Variants in GABRA4 observed in about 807,000 individuals in gnomAD.
GABRA4 encodes the protein gamma-aminobutyric acid type A receptor subunit alpha4.
GABRA4 carries 12 observed loss-of-function variants against 49.7 expected under a neutral mutation model. The observed-to-expected ratio is 0.24, with a 90% CI of 0.15 to 0.39. The LOEUF (loss-of-function observed/expected upper bound fraction) is 0.39, where lower values mean the gene tolerates loss of function less well. Among genes scored for constraint, GABRA4 ranks in the 10% least tolerant of loss-of-function variants. The pLI is 1.00. For synonymous variants in GABRA4, 288 were observed against 240.2 expected, an observed-to-expected ratio of 1.20 and a Z score of -1.84; for missense variants, 506 against 686.0, an observed-to-expected ratio of 0.74 and a Z score of 2.93.
chr4:46,947,318 T>C (rs1351679342), intron 8 of GABRA4, among the ~76,000 whole-genome samples: 1 of 152,010 alleles, frequency 6.6e-6, no homozygotes, highest in East Asian at 1.9e-4. Flanking sequence ...CTGTGGAAGG[T>C]CTGGGCATAT....
intron 7 of GABRA4, 40 bp from the exon 8 acceptor site, chr4:46,965,269 T>A (rs767943441): frequency 3.7e-6 from 5 of 1,366,456 alleles, no homozygotes; most frequent in South Asian, 2.2e-5. Context: ...CACCTTACCA[T>A]CATTTGTATT....
intron 6 of GABRA4, among the ~76,000 whole-genome samples, 167 bp downstream of exon 6, chr4:46,974,065 G>T (rs146293066): frequency 6.6e-6 from 1 of 151,842 alleles, no homozygotes; most frequent in Non-Finnish European, 1.5e-5. Flanking sequence ...ACTAAAGTAA[G>T]ATTATAAATA....
rs948087263 is a variant in GABRA4, at chr4:46,921,421, T to A, written c.*6804A>T. Reference sequence around the variant, plus strand: ...GGGAAGCAATCTCAGAGGAAAACTCTGGGATTCCCCTATAGAAACTAAAGA... The same window carrying A: ...GGGAAGCAATCTCAGAGGAAAACTCAGGGATTCCCCTATAGAAACTAAAGA... On this transcript the variant is annotated 3_prime_UTR_variant, in exon 9 of 9. Transcript: ENST00000264318. 2.0e-5 allele frequency: 3 copies of A among 152,014 alleles called. No homozygotes were observed. Among genetic ancestry groups the A allele is most frequent in the African/African-American group, 7.2e-5 (3 of 41,442 alleles). The allele number at this position is 152,014 out of a possible 1,614,324, so 9.4% of individuals were successfully genotyped here. A position where few individuals can be genotyped will look rare whatever the true frequency, so the allele number is the denominator to read the frequency against.
intron 8 of GABRA4, among the ~76,000 whole-genome samples, chr4:46,942,730 C>A (rs995198087): frequency 6.6e-6 from 1 of 151,890 alleles, no homozygotes; most frequent in Non-Finnish European, 1.5e-5. Context: ...TATATTCTAG[C>A]AATGTTCCAT....
intron 2 of GABRA4, among the ~76,000 whole-genome samples, chr4:46,991,966 C>A (rs1348179039): frequency 6.6e-6 from 1 of 152,182 alleles, no homozygotes; most frequent in East Asian, 1.9e-4. Flanking sequence ...AAAACAGGGA[C>A]TTTGAGATCA....
chr4:46,974,191 A>C lies in GABRA4; in HGVS notation c.721+41T>G, dbSNP rs758472621. The C allele has an allele frequency of 8.3e-6, 13 of 1,561,904 alleles. No homozygotes were observed. In the South Asian group the frequency reaches 1.5e-4, roughly 18 times the overall value. ...AAGTCAGGAGAAAACTTTATTGCTA[A>C]CACCAAGTAGCATGTCGGCTTTAAT... On this transcript the variant is annotated intron_variant, in intron 6 of 8. Coordinates refer to ENST00000264318, the MANE Select transcript of GABRA4 (RefSeq NM_000809.4).
intron 7 of GABRA4, 107 bp downstream of exon 7, chr4:46,970,976 C>G: frequency 1.0e-6 from 1 of 1,004,700 alleles, no homozygotes; most frequent in Non-Finnish European, 1.4e-6. Context: ...ATTCCTTATT[C>G]AGGATAGCCT....
At chr4:46,940,737 A>C (rs1346396330) in intron 8 of GABRA4, among the ~76,000 whole-genome samples, 1 of 150,194 alleles carries the variant, frequency 6.7e-6, no homozygotes, top group Non-Finnish European at 1.5e-5. Flanking sequence ...CCCACTCTCA[A>C]CACCCCCCAA....
chr4:46,979,188 T>C, intron 2 of GABRA4, 90 bp from the exon 3 acceptor site: 6 of 740,000 alleles, frequency 8.1e-6, no homozygotes, highest in East Asian at 2.6e-5. Flanking sequence ...AATACAGATA[T>C]GATATATCAT....
intron 2 of GABRA4, among the ~76,000 whole-genome samples, chr4:46,980,244 T>A (rs1017537180): frequency 6.6e-6 from 1 of 152,054 alleles, no homozygotes; most frequent in African/African-American, 2.4e-5. Flanking sequence ...GAACATAACT[T>A]CCTTAAACAA....
At chr4:46,961,876 C>T (rs532837591) in intron 8 of GABRA4, among the ~76,000 whole-genome samples, 7 of 151,664 alleles carry the variant, frequency 4.6e-5, no homozygotes, top group African/African-American at 7.3e-5. Flanking sequence ...GTGAGAGGGG[C>T]GCTGCTTGTT....
chr4:46,931,257 C>T (rs1408537955), intron 8 of GABRA4, among the ~76,000 whole-genome samples: 1 of 152,084 alleles, frequency 6.6e-6, no homozygotes, highest in African/African-American at 2.4e-5. Context: ...AAAATGTCAA[C>T]ATTCATGTAG....
chr4:46,974,320 T>C lies in GABRA4; in HGVS notation c.633A>G (p.Ser211=), dbSNP rs753685023. The C allele has an allele frequency of 4.3e-6, 7 of 1,611,856 alleles. No individual in the cohort carries two copies. Among genetic ancestry groups the C allele is most frequent in the Middle Eastern group, 1.7e-4 (1 of 6,042 alleles). Residue 211 remains serine, a synonymous_variant, in exon 6 of 9, where the codon TCA becomes TCG. Transcript: ENST00000264318. ...TGGAAGACTCCTTCGGAACTTCAAC[T>C]GATTTCTCAGGACCTTTTGTCCAGG... ...IYTWTKGPEK[S]VEVPKESSSL...
chr4:46,965,359 A>G, intron 7 of GABRA4, 130 bp from the exon 8 acceptor site: 1 of 677,224 alleles, frequency 1.5e-6, no homozygotes, highest in East Asian at 3.1e-5. Flanking sequence ...CTCAAAGAAA[A>G]CCATCTTTGA....
At chr4:46,988,682 T>A (rs1723628675) in intron 2 of GABRA4, among the ~76,000 whole-genome samples, 2 of 152,230 alleles carry the variant, frequency 1.3e-5, no homozygotes, top group African/African-American at 2.4e-5. Context: ...GAACAAAAGT[T>A]CTTATCTCAC....
intron 7 of GABRA4, among the ~76,000 whole-genome samples, chr4:46,965,518 A>T (rs545292012): frequency 6.6e-6 from 1 of 151,796 alleles, no homozygotes; most frequent in South Asian, 2.1e-4. Context: ...ATACCCACTG[A>T]TTGGGTTTTC....
rs1034424577 is a variant in GABRA4, at chr4:46,925,526, A to G, written c.*2699T>C. ...CAGCCAAAATTATTCATTATTATTCATAGATAACCAGAACTTTGGGTGCCC... is the reference window on the plus strand; with the variant it reads ...CAGCCAAAATTATTCATTATTATTCGTAGATAACCAGAACTTTGGGTGCCC... On this transcript the variant is annotated 3_prime_UTR_variant, in exon 9 of 9. Coordinates refer to ENST00000264318, the MANE Select transcript of GABRA4 (RefSeq NM_000809.4). The G allele has an allele frequency of 1.3e-5, 2 of 151,788 alleles. No homozygotes were observed. Among genetic ancestry groups the G allele is most frequent in the Non-Finnish European group, 3.0e-5 (2 of 67,768 alleles). The allele number at this position is 151,788 out of a possible 1,614,324, so 9.4% of individuals were successfully genotyped here. A position where few individuals can be genotyped will look rare whatever the true frequency, so the allele number is the denominator to read the frequency against.
intron 8 of GABRA4, among the ~76,000 whole-genome samples, chr4:46,964,420 G>A (rs1290516624): frequency 6.6e-6 from 1 of 151,726 alleles, no homozygotes; most frequent in African/African-American, 2.4e-5. Context: ...AATGTACTTG[G>A]ACTGTTTGTA....
intron 1 of GABRA4, 108 bp from the exon 2 acceptor site, chr4:46,993,054 A>C: frequency 9.2e-6 from 8 of 873,668 alleles, no homozygotes; most frequent in Non-Finnish European, 1.5e-5. Context: ...GCTTGCCCCA[A>C]GCTAAAGGAG....
Sources: allele counts gnomAD v4.1 joint callset (sites outside exome capture counted in the v4.1 genomes callset), GRCh38; gene constraint gnomAD v4.1.1; transcripts MANE v1.5; gene names NCBI Gene and HGNC (gene_info 2026-07-23, HGNC 2026-07-21).